EPHB4: variants seen among roughly 807,000 people sequenced by gnomAD.
EPHB4 encodes the protein EPH receptor B4, also known as ephrin type-B receptor 4.
A neutral mutation model predicts 110.6 loss-of-function variants in EPHB4; 50 were observed. That is an observed-to-expected ratio of 0.45 (90% CI 0.36 to 0.57). The LOEUF (loss-of-function observed/expected upper bound fraction) is 0.57, where lower values mean the gene tolerates loss of function less well. EPHB4 is among the 20% of genes least tolerant of loss of function. The pLI is 0.00. For missense variants in EPHB4, 1,128 were observed against 1,382.1 expected, an observed-to-expected ratio of 0.82 and a Z score of 2.91; for synonymous variants, 592 against 578.4, an observed-to-expected ratio of 1.02 and a Z score of -0.34.
intron 12 of EPHB4, 57 bp downstream of exon 12, chr7:100,812,690 G>A (rs1470548588): frequency 4.5e-6 from 7 of 1,571,562 alleles, no homozygotes; most frequent in Non-Finnish European, 6.0e-6. Flanking sequence ...AACCCAAGTG[G>A]CCTCTGGGTG....
intron 5 of EPHB4, 125 bp from the exon 6 acceptor site, chr7:100,820,014 C>G (rs540280529): frequency 1.3e-6 from 2 of 1,487,922 alleles, no homozygotes; most frequent in Non-Finnish European, 1.8e-6. Context: ...CATGTTCCTC[C>G]GGGCTAGGGA....
chr7:100,820,090 G>T, intron 5 of EPHB4, 51 bp downstream of exon 5: 1 of 1,595,002 alleles, frequency 6.3e-7, no homozygotes, highest in Non-Finnish European at 8.5e-7. Flanking sequence ...GTCCACCTCA[G>T]AGGTCTGTGA....
chr7:100,806,254 C>T, intron 14 of EPHB4, 166 bp downstream of exon 14: 1 of 856,074 alleles, frequency 1.2e-6, no homozygotes, highest in South Asian at 2.1e-5. Flanking sequence ...GCCACTAGGC[C>T]TGGCCCTGTA....
At chr7:100,820,465 CAA>C (rs11447690) in intron 4 of EPHB4, 169 bp from the exon 5 acceptor site, 4,051 of 324,832 alleles carry the variant, frequency 0.012, no homozygotes, top group Middle Eastern at 0.018. Flanking sequence ...ATCCCATCTC[CAA>C]AAAAAAAAAA....
rs1279163966 is a variant in EPHB4, at chr7:100,813,108, C to G, written c.1857G>C (p.Glu619Asp). Reference sequence around the variant, plus strand: ...TTCGGCTCTCACCTGCACCAATCACCTCTTCAATCTTGACGTAGGAGACAT... The same window carrying G: ...TTCGGCTCTCACCTGCACCAATCACGTCTTCAATCTTGACGTAGGAGACAT... ...EIDVSYVKIE[E>D]VIGAGEFGEV... Residue 619 changes from glutamate (E) to aspartate (D), a missense_variant, in exon 11 of 17, where the codon GAG becomes GAC. Physicochemically the swap from Glu to Asp is conservative, Grantham distance 45. Around this residue, in one of 3 missense-constraint regions of EPHB4, gnomAD observed 191 missense variants for 313.0 expected, o/e 0.61. Coordinates refer to ENST00000358173, the MANE Select transcript of EPHB4 (RefSeq NM_004444.5). 1 of 1,613,468 alleles carries G rather than the reference C, an allele frequency of 6.2e-7. No homozygotes were observed. The highest frequency in any genetic ancestry group is 1.7e-5 in the Admixed American group (1 of 60,022).
intron 1 of EPHB4, 117 bp downstream of exon 1, chr7:100,826,862 G>T: frequency 3.4e-6 from 4 of 1,191,898 alleles, no homozygotes; most frequent in Non-Finnish European, 4.6e-6. Flanking sequence ...GAAGTGTTTG[G>T]GACTGCAGTG....
chr7:100,813,724 C>T lies in EPHB4; in HGVS notation c.1692-8G>A, dbSNP rs372971671. The T allele has an allele frequency of 4.7e-5, 76 of 1,614,058 alleles. No individual in the cohort carries two copies. The African/African-American group carries it at 5.1e-4, about 11-fold the overall frequency. The stretch of plus-strand genomic sequence containing the variant: ...CTCCCATTGCTCTGCTTCCTGTAGC[C>T]GATGGGAAAGGAACAAAAGGTAAAC... On this transcript the variant is annotated splice_polypyrimidine_tract_variant and splice_region_variant and intron_variant, in intron 9 of 16. Transcript: ENST00000358173.
At chr7:100,815,859 A>G (rs1299439695) in intron 8 of EPHB4, among the ~76,000 whole-genome samples, 1 of 152,168 alleles carries the variant, frequency 6.6e-6, no homozygotes, top group East Asian at 1.9e-4. Context: ...ACGGTAGCAC[A>G]TGCCTATAGC....
chr7:100,803,434 G>A lies in EPHB4; in HGVS notation c.*27C>T, dbSNP rs751237774. 5 of 1,516,542 alleles carry A rather than the reference G, an allele frequency of 3.3e-6. No individual in the cohort carries two copies. Among genetic ancestry groups the A allele is most frequent in the Admixed American group, 2.0e-5 (1 of 50,016 alleles). 93.9% of individuals were successfully genotyped at this position (1,516,542 alleles called of 1,614,324 possible). On this transcript the variant is annotated 3_prime_UTR_variant, in exon 17 of 17. Transcript: ENST00000358173. ...CTGCCCCGGAAAATGGGGAGGCGGT[G>A]TCCCTGGGGTGGGGAGTTCCTGCAG...
intron 12 of EPHB4, among the ~76,000 whole-genome samples, chr7:100,808,521 C>T (rs1205761529): frequency 6.6e-6 from 1 of 152,160 alleles, no homozygotes; most frequent in Non-Finnish European, 1.5e-5. Context: ...GTCACCTGAG[C>T]AACCCGTCTA....
At position 100,822,928 on chromosome 7, in the gene EPHB4, C is replaced by T. The variant is rs1269922751; in HGVS notation, c.412-261G>A. ...TTCTACAAACATTTACTGACACTGACGCCATGCCAGGCCTTGACCTCAGAG... is the reference window on the plus strand; with the variant it reads ...TTCTACAAACATTTACTGACACTGATGCCATGCCAGGCCTTGACCTCAGAG... On this transcript the variant is annotated intron_variant, in intron 3 of 16. Transcript: ENST00000358173. This position sits in a 1 kb window ranked among gnomAD's most constrained non-coding sequence, Gnocchi z 4.7. Among the ~76,000 whole-genome samples the T allele has an allele frequency of 3.9e-5, 6 of 152,076 alleles. No individual in the cohort carries two copies. The highest frequency in any genetic ancestry group is 9.7e-5 in the African/African-American group (4 of 41,414).
chr7:100,804,344 T>G (rs1329309163), intron 16 of EPHB4, among the ~76,000 whole-genome samples: 1 of 133,706 alleles, frequency 7.5e-6, no homozygotes, highest in Non-Finnish European at 1.6e-5. Context: ...AGATGGAATT[T>G]CACTCTGTCA....
Position 100,805,636 on chromosome 7 carries a change from G to C in EPHB4, c.2543C>G (p.Ser848Cys), listed in dbSNP as rs1562966869. 5.2e-6 allele frequency: 8 copies of C among 1,552,250 alleles called. No individual in the cohort carries two copies. Among genetic ancestry groups the C allele is most frequent in the East Asian group, 2.3e-5 (1 of 43,904 alleles). The part of the protein sequence containing the change: ...RLPPPPDCPT[S>C]LHQLMLDCWQ... ...ACAGTCCAGCATGAGCTGGTGGAGG[G>C]AGGTGGGACAGTCTGGGGGCGGGGG... Residue 848 changes from serine (S) to cysteine (C), a missense_variant, in exon 15 of 17, where the codon TCC becomes TGC. Physicochemically the swap from Ser to Cys is moderately radical, Grantham distance 112 (BLOSUM62 -1). Around this residue, in one of 3 missense-constraint regions of EPHB4, gnomAD observed 209 missense variants for 240.5 expected, o/e 0.87. Coordinates refer to ENST00000358173, the MANE Select transcript of EPHB4 (RefSeq NM_004444.5).
Position 100,805,388 on chromosome 7 carries a change from A to G in EPHB4, c.2679-67T>C, listed in dbSNP as rs546513958. On this transcript the variant is annotated intron_variant, in intron 15 of 16. Coordinates refer to ENST00000358173, the MANE Select transcript of EPHB4 (RefSeq NM_004444.5). ...AGGTCCGGGGGAGGAGGTGGAACCC[A>G]GCCTTGCAGAGGCGGACAGAGGCCC... The G allele has an allele frequency of 5.3e-4, 849 of 1,602,798 alleles. 10 individuals are homozygous for G. The South Asian group carries it at 8.9e-3, about 17-fold the overall frequency.
At chr7:100,806,107 C>T (rs527618405) in intron 14 of EPHB4, 85 of 244,400 alleles carry the variant, frequency 3.5e-4, no homozygotes, top group Admixed American at 8.1e-4. Context: ...TACAGGCACC[C>T]GCCCATCATG....
intron 3 of EPHB4, among the ~76,000 whole-genome samples, chr7:100,823,257 G>A (rs1584666640): frequency 6.6e-6 from 1 of 152,182 alleles, no homozygotes; most frequent in Non-Finnish European, 1.5e-5. Context: ...CTGGAACTCC[G>A]AAGACAAGTA....
intron 12 of EPHB4, among the ~76,000 whole-genome samples, chr7:100,808,311 T>C (rs1418111010): frequency 8.5e-5 from 13 of 152,174 alleles, no homozygotes; most frequent in African/African-American, 2.9e-4. Flanking sequence ...CTTAAACTCC[T>C]GGGCTCAAAT....
rs1812735009 is a variant in EPHB4 at position 100,803,195 on chromosome 7, G to C, written c.*266C>G. 1 of 302,876 alleles carries C rather than the reference G, an allele frequency of 3.3e-6. No individual in the cohort carries two copies. Among genetic ancestry groups the C allele is most frequent in the Admixed American group, 5.0e-5 (1 of 19,928 alleles). The allele number at this position is 302,876 out of a possible 1,614,324, so 18.8% of individuals were successfully genotyped here. On this transcript the variant is annotated 3_prime_UTR_variant, in exon 17 of 17. Coordinates refer to ENST00000358173, the MANE Select transcript of EPHB4 (RefSeq NM_004444.5). Reference sequence around the variant, plus strand: ...CACCTGGGGAGGCTGGGAGATGTTGGGCACTTCCTTTTCCTCTGGTCACAC... The same window carrying C: ...CACCTGGGGAGGCTGGGAGATGTTGCGCACTTCCTTTTCCTCTGGTCACAC...
intron 7 of EPHB4, among the ~76,000 whole-genome samples, chr7:100,817,859 G>GTTTTTTTTTTTT (rs33978512): frequency 1.1e-4 from 5 of 47,088 alleles, no homozygotes; most frequent in Non-Finnish European, 1.5e-4. Context: ...TATTTTTTGC[G>GTTTTTTTTTTTT]TTTTTTTTTT....
Sources: gnomAD v4.1 joint callset for allele counts (sites outside exome capture counted in the v4.1 genomes callset) on GRCh38, gnomAD v4.1.1 for gene constraint, gnomAD v4.1.1 regional missense constraint, Gnocchi (gnomAD v3.1) non-coding constraint, MANE v1.5 for transcripts, NCBI Gene and HGNC (gene_info 2026-07-23, HGNC 2026-07-21) for gene names.